CDH12: variants seen among roughly 807,000 people sequenced by gnomAD.
CDH12 encodes the protein cadherin-12.
In CDH12, 41 loss-of-function variants were observed where a neutral mutation model predicts 74.1. The observed-to-expected ratio is 0.55, with a 90% confidence interval of 0.43 to 0.72. The LOEUF (loss-of-function observed/expected upper bound fraction) is 0.72. CDH12 is among the 30% of genes least tolerant of loss of function. CDH12 has a pLI of 0.00. For missense variants in CDH12, 945 were observed against 977.2 expected (o/e 0.97, Z 0.44); for synonymous variants, 399 against 355.0 (o/e 1.12, Z -1.39).
At chr5:22,103,481 G>A (rs992743187) in intron 4 of CDH12, among the ~76,000 whole-genome samples, 1 of 152,152 alleles carries the variant, frequency 6.6e-6, no homozygotes, top group Non-Finnish European at 1.5e-5. Context: ...GTGTGAACAC[G>A]TAGATGAATA....
chr5:22,591,392 T>C (rs1004996542), intron 1 of CDH12, among the ~76,000 whole-genome samples: 5 of 152,146 alleles, frequency 3.3e-5, no homozygotes, highest in Admixed American at 6.6e-5. Flanking sequence ...ACAGAAATTA[T>C]AGACTAGATA....
Position 22,158,082 on chromosome 5 carries a change from T to C in CDH12, c.-187+54416A>G, listed in dbSNP as rs377339019. Among the ~76,000 whole-genome samples, 3 of 152,130 alleles carry C rather than the reference T, an allele frequency of 2.0e-5. No individual in the cohort carries two copies. In the East Asian group the frequency reaches 5.8e-4, roughly 29 times the overall value. ...TATAAAATAGAGGGAGAGTACAACTTTAAAGTGTTTTATATATCCATTTCA... is the reference window on the plus strand; with the variant it reads ...TATAAAATAGAGGGAGAGTACAACTCTAAAGTGTTTTATATATCCATTTCA... On this transcript the variant is annotated intron_variant, in intron 4 of 14. Coordinates refer to ENST00000382254, the MANE Select transcript of CDH12 (RefSeq NM_004061.5).
At chr5:22,729,535 C>T (rs566347125) in intron 1 of CDH12, among the ~76,000 whole-genome samples, 13 of 151,912 alleles carry the variant, frequency 8.6e-5, no homozygotes, top group Admixed American at 2.6e-4. Flanking sequence ...CTTGCCAGCC[C>T]AGGAATTAAG....
At chr5:22,803,411 A>C (rs2126424774) in intron 1 of CDH12, among the ~76,000 whole-genome samples, 1 of 152,306 alleles carries the variant, frequency 6.6e-6, no homozygotes, top group South Asian at 2.1e-4. Context: ...AGTGGCTGAA[A>C]CTACAAGGAT....
chr5:22,119,603 T>C (rs1337154618), intron 4 of CDH12, among the ~76,000 whole-genome samples: 1 of 152,104 alleles, frequency 6.6e-6, no homozygotes, highest in African/African-American at 2.4e-5. Flanking sequence ...CATCCACTTC[T>C]TAAGATGCAT....
At chr5:21,809,225 CG>C (rs1747608272) in intron 9 of CDH12, among the ~76,000 whole-genome samples, 1 of 151,806 alleles carries the variant, frequency 6.6e-6, no homozygotes, top group Non-Finnish European at 1.5e-5. Flanking sequence ...TGTATTTTAG[CG>C]GTAATTTTTG....
At chr5:22,207,223 A>G (rs1424105666) in intron 4 of CDH12, among the ~76,000 whole-genome samples, 2 of 151,346 alleles carry the variant, frequency 1.3e-5, no homozygotes, top group South Asian at 4.2e-4. Flanking sequence ...TCTCAAAAAA[A>G]AAAAAAAGAA....
intron 4 of CDH12, among the ~76,000 whole-genome samples, chr5:22,196,971 C>T (rs1417600684): frequency 6.6e-6 from 1 of 152,080 alleles, no homozygotes; most frequent in East Asian, 1.9e-4. Context: ...GGCTTAATAT[C>T]TGGGTGATGA....
chr5:22,060,415 C>T (rs1182111293), intron 5 of CDH12, among the ~76,000 whole-genome samples: 1 of 152,002 alleles, frequency 6.6e-6, no homozygotes, highest in Non-Finnish European at 1.5e-5. Context: ...CAGCAAACCA[C>T]CATGGCACAT....
chr5:21,968,649 AT>A (rs1395147463), intron 6 of CDH12, among the ~76,000 whole-genome samples: 1 of 152,012 alleles, frequency 6.6e-6, no homozygotes, highest in Non-Finnish European at 1.5e-5. Flanking sequence ...GCATTTTCCC[AT>A]TTTTTTCAAC....
chr5:21,947,740 T>C (rs904611364), intron 6 of CDH12, among the ~76,000 whole-genome samples: 2 of 152,092 alleles, frequency 1.3e-5, no homozygotes, highest in African/African-American at 4.8e-5. Flanking sequence ...GCCAAGACAA[T>C]GGCAAAATTT....
chr5:22,154,163 T>C (rs1747840540), intron 4 of CDH12, among the ~76,000 whole-genome samples: 1 of 150,532 alleles, frequency 6.6e-6, no homozygotes, highest in East Asian at 1.9e-4. Context: ...TTGATATATG[T>C]ATATATTATG....
chr5:22,548,677 G>T (rs879430339), intron 1 of CDH12, among the ~76,000 whole-genome samples: 5 of 151,736 alleles, frequency 3.3e-5, no homozygotes, highest in Middle Eastern at 3.2e-3. Flanking sequence ...TAACATATCC[G>T]ACCCACCTAT....
chr5:22,186,545 AC>A (rs1485801879), intron 4 of CDH12, among the ~76,000 whole-genome samples: 1 of 152,190 alleles, frequency 6.6e-6, no homozygotes, highest in Non-Finnish European at 1.5e-5. Flanking sequence ...ATCTCAGCTC[AC>A]TGCAACCTCT....
At chr5:21,821,024 G>A (rs892822958) in intron 8 of CDH12, among the ~76,000 whole-genome samples, 15 of 151,928 alleles carry the variant, frequency 9.9e-5, no homozygotes, top group Admixed American at 3.9e-4. Context: ...AGAAAAGGAG[G>A]AAATTGCATG....
chr5:22,566,248 T>C (rs1442303853), intron 1 of CDH12, among the ~76,000 whole-genome samples: 2 of 151,402 alleles, frequency 1.3e-5, no homozygotes, highest in African/African-American at 2.4e-5. Context: ...TTTCTTTTTT[T>C]TTTTTTTGAG....
intron 3 of CDH12, among the ~76,000 whole-genome samples, chr5:22,308,558 A>C (rs1580506622): frequency 6.6e-6 from 1 of 152,316 alleles, no homozygotes; most frequent in South Asian, 2.1e-4. Flanking sequence ...ATAGTTGTAC[A>C]ACCCAATAAG....
intron 4 of CDH12, among the ~76,000 whole-genome samples, chr5:22,123,745 C>A (rs6884732): frequency 0.2 from 30,663 of 152,100 alleles, 3,726 homozygotes; most frequent in East Asian, 0.43. Context: ...AACAACCAGA[C>A]AAATGAGACC....
chr5:21,866,557 T>A (rs1751338151), intron 6 of CDH12, among the ~76,000 whole-genome samples: 1 of 152,126 alleles, frequency 6.6e-6, no homozygotes, highest in Non-Finnish European at 1.5e-5. Flanking sequence ...GAGCTTGAAC[T>A]TGAGAGAGAT....
Sources: allele counts gnomAD v4.1 joint callset (sites outside exome capture counted in the v4.1 genomes callset), GRCh38; gene constraint gnomAD v4.1.1; transcripts MANE v1.5; gene names NCBI Gene and HGNC (gene_info 2026-07-23, HGNC 2026-07-21).